ANKRD13C: variants seen among roughly 807,000 people sequenced by gnomAD.
ANKRD13C encodes ankyrin repeat domain 13C.
In ANKRD13C, 16 loss-of-function variants were observed where a neutral mutation model predicts 65.5. The ratio of observed to expected loss-of-function variants is 0.24; its 90% CI spans 0.17 to 0.37. ANKRD13C has a LOEUF of 0.37. Ranked by LOEUF, ANKRD13C falls within the 10% of genes least tolerant of loss-of-function variation. ANKRD13C has a pLI of 1.00. For synonymous variants in ANKRD13C, 235 were observed against 238.7 expected (o/e 0.98, Z 0.14); for missense variants, 503 against 655.9 (o/e 0.77, Z 2.55).
chr1:70,306,003 T>C (rs1680571453), intron 6 of ANKRD13C: 1 of 260,410 alleles, frequency 3.8e-6, no homozygotes, highest in African/African-American at 2.2e-5. Context: ...CAAGATTTTA[T>C]GTCTTTTCCA....
At chr1:70,324,226 T>C (rs148644285) in intron 3 of ANKRD13C, among the ~76,000 whole-genome samples, 106 of 152,320 alleles carry the variant, frequency 7.0e-4, no homozygotes, top group African/African-American at 2.5e-3. Flanking sequence ...AGCAAGATAA[T>C]ATTCCCATTC....
chr1:70,305,157 C>A (rs1680536858), intron 6 of ANKRD13C, among the ~76,000 whole-genome samples: 1 of 152,066 alleles, frequency 6.6e-6, no homozygotes, highest in South Asian at 2.1e-4. Flanking sequence ...CTACCTTAAC[C>A]AAATTCTATT....
At chr1:70,316,386 CA>C (rs973011734) in intron 3 of ANKRD13C, among the ~76,000 whole-genome samples, 10 of 151,606 alleles carry the variant, frequency 6.6e-5, no homozygotes, top group Non-Finnish European at 1.5e-4. Context: ...TCTCCTTTGT[CA>C]AGTAAGAATA....
intron 9 of ANKRD13C, among the ~76,000 whole-genome samples, chr1:70,286,939 C>G (rs556936866): frequency 6.6e-6 from 1 of 151,984 alleles, no homozygotes; most frequent in East Asian, 1.9e-4. Flanking sequence ...GAGCTGAGAT[C>G]GTGCCACTGC....
chr1:70,267,834 G>C (rs1678698602), intron 12 of ANKRD13C, among the ~76,000 whole-genome samples: 1 of 152,026 alleles, frequency 6.6e-6, no homozygotes, highest in Non-Finnish European at 1.5e-5. Flanking sequence ...GTGTGTGTGT[G>C]TCTGTATCAC....
At position 70,347,675 on chromosome 1, in the gene ANKRD13C, C is replaced by T. The variant is rs116079390; in HGVS notation, c.430+6304G>A. Reference sequence around the variant, plus strand: ...AGTTCTATAGTACTAATGGTGACACCATCAGGAAACACAGCCACTTAACCC... The same window carrying T: ...AGTTCTATAGTACTAATGGTGACACTATCAGGAAACACAGCCACTTAACCC... On this transcript the variant is annotated intron_variant, in intron 1 of 12. Transcript: ENST00000370944. Among the ~76,000 whole-genome samples, 580 of 152,180 alleles carry T rather than the reference C, an allele frequency of 3.8e-3. 3 individuals are homozygous for T. Among genetic ancestry groups the T allele is most frequent in the African/African-American group, 0.013 (530 of 41,508 alleles).
chr1:70,333,697 G>T (rs895852926), intron 2 of ANKRD13C, among the ~76,000 whole-genome samples: 1 of 152,106 alleles, frequency 6.6e-6, no homozygotes, highest in African/African-American at 2.4e-5. Flanking sequence ...GATCCTAAAA[G>T]AATTATTTTA....
chr1:70,313,382 T>C (rs1349268858), intron 5 of ANKRD13C, among the ~76,000 whole-genome samples: 1 of 151,930 alleles, frequency 6.6e-6, no homozygotes, highest in Non-Finnish European at 1.5e-5. Flanking sequence ...TAAAAATAAT[T>C]AGCCAGGTGT....
Position 70,272,561 on chromosome 1 carries a change from C to T in ANKRD13C, c.1395-1605G>A, listed in dbSNP as rs115197957. 3.8e-3 allele frequency among the ~76,000 whole-genome samples: 571 copies of T among 152,050 alleles called. 3 individuals carry two copies. The highest frequency in any genetic ancestry group is 0.013 in the African/African-American group (526 of 41,486). On this transcript the variant is annotated intron_variant, in intron 11 of 12. Coordinates refer to ENST00000370944, the MANE Select transcript of ANKRD13C (RefSeq NM_030816.5). The stretch of plus-strand genomic sequence containing the variant: ...TTTTCAAGAGTAGTGGTTATAACTG[C>T]CACATTTTATAAATTCTAAGATATT...
intron 9 of ANKRD13C, among the ~76,000 whole-genome samples, chr1:70,285,916 A>T (rs764487373): frequency 6.6e-6 from 1 of 152,118 alleles, no homozygotes; most frequent in African/African-American, 2.4e-5. Context: ...TACCTTTCTT[A>T]AAAAGCTTAT....
At chr1:70,344,374 G>A (rs1235476891) in intron 1 of ANKRD13C, among the ~76,000 whole-genome samples, 1 of 151,788 alleles carries the variant, frequency 6.6e-6, no homozygotes, top group Middle Eastern at 3.2e-3. Context: ...GGTGAGGTGG[G>A]AGGATTGCCT....
At chr1:70,309,758 T>C (rs1419200476) in intron 5 of ANKRD13C, among the ~76,000 whole-genome samples, 2 of 147,770 alleles carry the variant, frequency 1.4e-5, no homozygotes, top group Non-Finnish European at 3.0e-5. Context: ...AATATACAAA[T>C]AACAGTCTCA....
intron 11 of ANKRD13C, among the ~76,000 whole-genome samples, chr1:70,271,623 T>C (rs1034010616): frequency 4.6e-5 from 7 of 151,948 alleles, no homozygotes; most frequent in Non-Finnish European, 7.4e-5. Context: ...AGTAAAGACA[T>C]ATGAAAAAAT....
chr1:70,265,824 CAAAAAAAAA>C (rs775757290), intron 12 of ANKRD13C, among the ~76,000 whole-genome samples: 191 of 35,418 alleles, frequency 5.4e-3, no homozygotes, highest in Non-Finnish European at 8.0e-3. Context: ...GACCTTGCCT[CAAAAAAAAA>C]AAAAAAAAAA....
intron 1 of ANKRD13C, among the ~76,000 whole-genome samples, chr1:70,344,700 A>C (rs1682454235): frequency 6.6e-6 from 1 of 152,056 alleles, no homozygotes; most frequent in African/African-American, 2.4e-5. Context: ...ACAAAAATTT[A>C]TATTCTTTTT....
intron 1 of ANKRD13C, among the ~76,000 whole-genome samples, chr1:70,340,132 G>A (rs900385018): frequency 9.2e-5 from 14 of 152,188 alleles, no homozygotes; most frequent in African/African-American, 3.1e-4. Context: ...TTATAGGCAT[G>A]AGTCACGGTG....
intron 2 of ANKRD13C, among the ~76,000 whole-genome samples, chr1:70,335,568 G>A (rs1572161890): frequency 6.6e-6 from 1 of 151,554 alleles, no homozygotes; most frequent in South Asian, 2.1e-4. Context: ...TACAAAAGTA[G>A]GTATCTTTTA....
chr1:70,281,435 C>T (rs1244710229), intron 9 of ANKRD13C, among the ~76,000 whole-genome samples: 1 of 124,544 alleles, frequency 8.0e-6, no homozygotes. Context: ...CAGGGTCTTG[C>T]TCTGTCACCT....
chr1:70,290,399 T>C (rs2101242633), intron 9 of ANKRD13C, among the ~76,000 whole-genome samples: 1 of 152,330 alleles, frequency 6.6e-6, no homozygotes, highest in Non-Finnish European at 1.5e-5. Flanking sequence ...TTTTAACCTT[T>C]TTATAACTGT....
Sources: gnomAD v4.1 joint callset for allele counts (sites outside exome capture counted in the v4.1 genomes callset) on GRCh38, gnomAD v4.1.1 for gene constraint, MANE v1.5 for transcripts, NCBI Gene and HGNC (gene_info 2026-07-23, HGNC 2026-07-21) for gene names.